LINGO2: variants seen among roughly 807,000 people sequenced by gnomAD.
The protein encoded by LINGO2 is leucine rich repeat and Ig domain containing 2.
In LINGO2, 14 loss-of-function variants were observed where a neutral mutation model predicts 30.6. The observed-to-expected ratio is 0.46, with a 90% CI of 0.30 to 0.72. The LOEUF (loss-of-function observed/expected upper bound fraction) is 0.72, where lower values mean the gene tolerates loss of function less well. Ranked by LOEUF, LINGO2 falls within the 30% of genes least tolerant of loss-of-function variation. The pLI is 0.07. For missense variants in LINGO2, 729 were observed against 751.7 expected (o/e 0.97, Z 0.35); for synonymous variants, 317 against 288.5 (o/e 1.10, Z -1.00).
At chr9:27,970,029 A>G (rs12377461) in intron 5 of LINGO2, among the ~76,000 whole-genome samples, 4,168 of 152,318 alleles carry the variant, frequency 0.027, 83 homozygotes, top group Non-Finnish European at 0.038. Context: ...ATAATGTTGT[A>G]TTAATATGTT....
chr9:28,701,418 T>C, the LINGO2 span, among the ~76,000 whole-genome samples: 1 of 151,992 alleles, frequency 6.6e-6, no homozygotes, highest in East Asian at 1.9e-4. Flanking sequence ...GCTATTTTTT[T>C]CTCCATTCTA....
rs1055258162 is a variant in LINGO2 at position 28,108,780 on chromosome 9, T to C, written c.-86-96375A>G. Among the ~76,000 whole-genome samples, 3 of 152,110 alleles carry C rather than the reference T, an allele frequency of 2.0e-5. No homozygotes were observed. In the South Asian group the frequency reaches 6.2e-4, roughly 32 times the overall value. The stretch of plus-strand genomic sequence containing the variant: ...TGAACACTTAGTTCTTTCCTTCTAT[T>C]TAATACATCTACCCTGAGAGATAAA... On this transcript the variant is annotated intron_variant, in intron 4 of 5. Transcript: ENST00000379992.
chr9:28,539,176 C>T (rs1821569841), intron 1 of LINGO2, among the ~76,000 whole-genome samples: 1 of 151,790 alleles, frequency 6.6e-6, no homozygotes, highest in Admixed American at 6.6e-5. Flanking sequence ...GGTTATGCAG[C>T]CATATTAAAA....
chr9:28,509,131 C>A (rs964920105), intron 1 of LINGO2, among the ~76,000 whole-genome samples: 4 of 152,072 alleles, frequency 2.6e-5, no homozygotes, highest in Non-Finnish European at 5.9e-5. Context: ...CTCCTTATGG[C>A]CCTAGTTATT....
chr9:28,183,694 G>A (rs968143124), intron 4 of LINGO2, among the ~76,000 whole-genome samples: 1 of 152,034 alleles, frequency 6.6e-6, no homozygotes, highest in Admixed American at 6.6e-5. Flanking sequence ...CTTATTTTTA[G>A]ATGTAGCCTG....
At chr9:29,063,902 T>C in the LINGO2 span, among the ~76,000 whole-genome samples, 1 of 152,182 alleles carries the variant, frequency 6.6e-6, no homozygotes, top group Non-Finnish European at 1.5e-5. Context: ...ATAACAAAGA[T>C]GCTAGGAAGA....
At chr9:28,348,348 G>T (rs1819678480) in intron 3 of LINGO2, among the ~76,000 whole-genome samples, 1 of 152,148 alleles carries the variant, frequency 6.6e-6, no homozygotes, top group South Asian at 2.1e-4. Flanking sequence ...AGCGCAAGGG[G>T]TCAGAGAGTT....
intron 5 of LINGO2, among the ~76,000 whole-genome samples, chr9:27,971,215 C>A (rs978073697): frequency 1.3e-5 from 2 of 151,672 alleles, no homozygotes; most frequent in African/African-American, 4.8e-5. Context: ...ATTTTCACTT[C>A]TTTTTCTTGT....
chr9:27,959,001 G>T (rs61583023), intron 5 of LINGO2, among the ~76,000 whole-genome samples: 11,212 of 152,030 alleles, frequency 0.074, 1,394 homozygotes, highest in African/African-American at 0.26. Flanking sequence ...CTATTTCCTT[G>T]TGTGTCAATT....
At chr9:28,218,834 T>C (rs1820860354) in intron 4 of LINGO2, among the ~76,000 whole-genome samples, 1 of 152,146 alleles carries the variant, frequency 6.6e-6, no homozygotes, top group South Asian at 2.1e-4. Flanking sequence ...TGCCTGGAAT[T>C]TAAAGTTCTT....
chr9:29,072,438 C>T, the LINGO2 span, among the ~76,000 whole-genome samples: 1 of 151,720 alleles, frequency 6.6e-6, no homozygotes, highest in South Asian at 2.1e-4. Flanking sequence ...AGTAAATGTA[C>T]TAAAAACACT....
the LINGO2 span, among the ~76,000 whole-genome samples, chr9:28,886,636 CTTGT>C: frequency 6.6e-6 from 1 of 151,946 alleles, no homozygotes. Context: ...ATATGTACTG[CTTGT>C]TTGTTTTTGA....
At chr9:28,831,088 GC>G in the LINGO2 span, among the ~76,000 whole-genome samples, 1 of 152,174 alleles carries the variant, frequency 6.6e-6, no homozygotes, top group East Asian at 1.9e-4. Flanking sequence ...GATTCTGCAA[GC>G]TACCCAAGTC....
chr9:28,185,033 G>C (rs760534038), intron 4 of LINGO2, among the ~76,000 whole-genome samples: 5 of 152,250 alleles, frequency 3.3e-5, no homozygotes, highest in Admixed American at 6.5e-5. Context: ...AGGTGAAGTA[G>C]GTGATTGCTT....
chr9:28,443,487 T>A (rs987534255), intron 2 of LINGO2, among the ~76,000 whole-genome samples: 5 of 152,220 alleles, frequency 3.3e-5, no homozygotes, highest in Admixed American at 3.3e-4. Context: ...ATCCTTGTGC[T>A]GTTGGGGCCC....
chr9:28,661,710 T>C lies in LINGO2; in HGVS notation c.-365+8490A>G, dbSNP rs181689004. On this transcript the variant is annotated intron_variant, in intron 1 of 5. Coordinates refer to ENST00000379992, the Ensembl canonical transcript of LINGO2. ...GAGACATGGAAATCTTCAAAAATGATAGATTTAAAGTTACATTTTTAAAAA... is the reference window on the plus strand; with the variant it reads ...GAGACATGGAAATCTTCAAAAATGACAGATTTAAAGTTACATTTTTAAAAA... 2.6e-5 allele frequency among the ~76,000 whole-genome samples: 4 copies of C among 152,194 alleles called. No individual in the cohort carries two copies. The East Asian group carries it at 7.7e-4, about 29-fold the overall frequency.
At chr9:28,997,731 G>A in the LINGO2 span, among the ~76,000 whole-genome samples, 2 of 151,806 alleles carry the variant, frequency 1.3e-5, no homozygotes, top group Non-Finnish European at 2.9e-5. Context: ...GCTGAGGCAG[G>A]AAAATGGCAT....
intron 1 of LINGO2, among the ~76,000 whole-genome samples, chr9:28,547,252 T>G (rs969647059): frequency 3.3e-5 from 5 of 152,154 alleles, no homozygotes; most frequent in Non-Finnish European, 7.3e-5. Context: ...TCTTTTTCTA[T>G]AACCGTCCTT....
At chr9:28,055,365 A>G (rs553546415) in intron 4 of LINGO2, among the ~76,000 whole-genome samples, 2 of 152,264 alleles carry the variant, frequency 1.3e-5, no homozygotes, top group East Asian at 3.9e-4. Flanking sequence ...AATAAACTCT[A>G]AACAAGCTTC....
Sources: allele counts gnomAD v4.1 joint callset (sites outside exome capture counted in the v4.1 genomes callset), GRCh38; gene constraint gnomAD v4.1.1; transcripts MANE v1.5; gene names NCBI Gene and HGNC (gene_info 2026-07-23, HGNC 2026-07-21).